Variants in EXOC4 observed in about 807,000 individuals in gnomAD.
EXOC4 encodes SEC8-like 1.
A neutral mutation model predicts 107.2 loss-of-function variants in EXOC4; 71 were observed. That is an observed-to-expected ratio of 0.66 (90% CI 0.55 to 0.81). The LOEUF is 0.81. EXOC4 is among the 30% of genes least tolerant of loss of function. EXOC4 has a pLI of 0.00. For synonymous variants in EXOC4, 456 were observed against 441.2 expected, an observed-to-expected ratio of 1.03 and a Z score of -0.42; for missense variants, 1,108 against 1,189.6, an observed-to-expected ratio of 0.93 and a Z score of 1.01.
chr7:134,076,972 G>A, the EXOC4 span, among the ~76,000 whole-genome samples: 3 of 148,678 alleles, frequency 2.0e-5, no homozygotes, highest in Admixed American at 2.0e-4. Flanking sequence ...GTGTGTGTGT[G>A]TATAATAGAG....
At chr7:133,799,755 G>A (rs1796894120) in intron 10 of EXOC4, among the ~76,000 whole-genome samples, 1 of 152,176 alleles carries the variant, frequency 6.6e-6, no homozygotes, top group Admixed American at 6.5e-5. Context: ...TAGTCTAGTG[G>A]TGAAATATAG....
At chr7:134,034,421 T>C (rs183434791) in intron 17 of EXOC4, among the ~76,000 whole-genome samples, 1 of 152,292 alleles carries the variant, frequency 6.6e-6, no homozygotes. Flanking sequence ...CACCCAAATC[T>C]CATCTTGAAT....
chr7:134,030,787 C>T (rs1174007648), intron 17 of EXOC4, among the ~76,000 whole-genome samples: 2 of 149,246 alleles, frequency 1.3e-5, no homozygotes, highest in Admixed American at 1.4e-4. Flanking sequence ...AGTCTCTTTA[C>T]AGTCCTTTGT....
intron 10 of EXOC4, among the ~76,000 whole-genome samples, chr7:133,710,252 G>A (rs1440504048): frequency 3.9e-5 from 6 of 152,086 alleles, no homozygotes; most frequent in African/African-American, 9.7e-5. Context: ...TGTGCCATCC[G>A]GAGTCTTCCC....
intron 7 of EXOC4, among the ~76,000 whole-genome samples, chr7:133,406,803 A>G (rs1228965599): frequency 2.6e-5 from 4 of 152,222 alleles, no homozygotes; most frequent in African/African-American, 9.6e-5. Context: ...ACTGTGGTTT[A>G]TTAAATGCAA....
chr7:133,375,777 CT>C (rs1379763516), intron 7 of EXOC4, among the ~76,000 whole-genome samples: 1 of 151,910 alleles, frequency 6.6e-6, no homozygotes, highest in Non-Finnish European at 1.5e-5. Context: ...TATCACTTTG[CT>C]TGATTTGTTG....
intron 11 of EXOC4, among the ~76,000 whole-genome samples, chr7:133,878,770 C>A (rs1798902319): frequency 6.6e-6 from 1 of 152,170 alleles, no homozygotes; most frequent in African/African-American, 2.4e-5. Context: ...GTTGCCCAAT[C>A]TGGAGTGCAG....
intron 9 of EXOC4, among the ~76,000 whole-genome samples, chr7:133,557,695 A>G (rs1266980468): frequency 6.6e-6 from 1 of 152,156 alleles, no homozygotes; most frequent in Non-Finnish European, 1.5e-5. Flanking sequence ...TATTGTACTT[A>G]AAACAGCACA....
In EXOC4 at chr7:134,064,480, G is replaced by T; in HGVS notation, c.2877G>T (p.Gln959His). Residue 959 changes from glutamine (Q) to histidine (H), a missense_variant, in exon 18 of 18, where the codon CAG becomes CAT. Coordinates refer to ENST00000253861, the MANE Select transcript of EXOC4 (RefSeq NM_021807.4). ...GGCTCAAAGAGATCATCTGCGAGCA[G>T]GCTGCCATCAAGCAAGCCACCAAGG... Reference protein sequence around the residue: ...LQRLKEIICEQAAIKQATKDK... With the variant: ...LQRLKEIICEHAAIKQATKDK... 6.2e-7 allele frequency: 1 copy of T among 1,607,144 alleles called. No individual in the cohort carries two copies.
intron 10 of EXOC4, among the ~76,000 whole-genome samples, chr7:133,805,596 A>G (rs904936100): frequency 1.3e-5 from 2 of 152,216 alleles, no homozygotes; most frequent in Admixed American, 6.5e-5. Context: ...GGCATTCACC[A>G]TACACGTAAG....
At chr7:133,944,977 G>A (rs1398520942) in intron 14 of EXOC4, among the ~76,000 whole-genome samples, 2 of 152,128 alleles carry the variant, frequency 1.3e-5, no homozygotes, top group Admixed American at 6.5e-5. Flanking sequence ...TAATTAAACT[G>A]TAATGTGCAT....
At chr7:133,745,001 A>G (rs1199033124) in intron 10 of EXOC4, among the ~76,000 whole-genome samples, 2 of 152,208 alleles carry the variant, frequency 1.3e-5, no homozygotes, top group East Asian at 1.9e-4. Context: ...TTCCAAATGC[A>G]TAATCACTTC....
At chr7:133,393,993 A>C (rs1389578138) in intron 7 of EXOC4, among the ~76,000 whole-genome samples, 2 of 152,180 alleles carry the variant, frequency 1.3e-5, no homozygotes, top group Non-Finnish European at 2.9e-5. Flanking sequence ...CCTGCACTTA[A>C]ATCATCCCTA....
intron 9 of EXOC4, among the ~76,000 whole-genome samples, chr7:133,524,803 C>CT (rs1259326237): frequency 6.6e-6 from 1 of 152,138 alleles, no homozygotes; most frequent in Non-Finnish European, 1.5e-5. Flanking sequence ...ATCTATATCT[C>CT]TGTTTTGGTA....
chr7:134,011,717 G>A (rs1794768370), intron 17 of EXOC4, among the ~76,000 whole-genome samples: 1 of 151,622 alleles, frequency 6.6e-6, no homozygotes, highest in Non-Finnish European at 1.5e-5. Flanking sequence ...TTACTGTGGG[G>A]CAAGATGCAA....
intron 10 of EXOC4, among the ~76,000 whole-genome samples, chr7:133,777,850 G>C (rs996016045): frequency 6.6e-6 from 1 of 152,122 alleles, no homozygotes; most frequent in Non-Finnish European, 1.5e-5. Context: ...ATCCTCTGGC[G>C]TATAGCTAGT....
intron 11 of EXOC4, among the ~76,000 whole-genome samples, chr7:133,819,384 A>G (rs965840418): frequency 6.6e-5 from 10 of 151,396 alleles, no homozygotes; most frequent in African/African-American, 2.4e-4. Flanking sequence ...TTATTAATTA[A>G]TTTTGCTAAC....
At chr7:133,983,665 A>G (rs1794047330) in intron 14 of EXOC4, among the ~76,000 whole-genome samples, 1 of 151,812 alleles carries the variant, frequency 6.6e-6, no homozygotes, top group Non-Finnish European at 1.5e-5. Context: ...CCTCTCTGCC[A>G]TGTAATATTT....
intron 11 of EXOC4, among the ~76,000 whole-genome samples, chr7:133,852,931 C>T (rs1798266088): frequency 6.6e-6 from 1 of 152,098 alleles, no homozygotes; most frequent in South Asian, 2.1e-4. Flanking sequence ...AAAAACAAAA[C>T]AATAAATAAA....
Sources: allele counts gnomAD v4.1 joint callset (sites outside exome capture counted in the v4.1 genomes callset), GRCh38; gene constraint gnomAD v4.1.1; transcripts MANE v1.5; gene names NCBI Gene and HGNC (gene_info 2026-07-23, HGNC 2026-07-21).